ARPC1A: variants seen among roughly 807,000 people sequenced by gnomAD.
ARPC1A encodes the protein actin related protein 2/3 complex subunit 1A.
In ARPC1A, 8 loss-of-function variants were observed where a neutral mutation model predicts 46.9. The ratio of observed to expected loss-of-function variants is 0.17; its 90% CI spans 0.10 to 0.31. The LOEUF (loss-of-function observed/expected upper bound fraction) is 0.31, where lower values mean the gene tolerates loss of function less well. Among genes scored for constraint, ARPC1A ranks in the 10% least tolerant of loss-of-function variants. The pLI is 1.00. For missense variants in ARPC1A, 286 were observed against 483.6 expected, an observed-to-expected ratio of 0.59 and a Z score of 3.83; for synonymous variants, 152 against 169.0, an observed-to-expected ratio of 0.90 and a Z score of 0.78.
chr7:99,326,717 C>A (rs1042623789), intron 1 of ARPC1A, among the ~76,000 whole-genome samples: 13 of 152,220 alleles, frequency 8.5e-5, no homozygotes, highest in African/African-American at 3.1e-4. Context: ...GCATAAATTG[C>A]TTAGAATAGT....
chr7:99,349,364 G>A (rs1793512032), intron 5 of ARPC1A, among the ~76,000 whole-genome samples: 1 of 152,066 alleles, frequency 6.6e-6, no homozygotes, highest in African/African-American at 2.4e-5. Flanking sequence ...TGCCTGGCCT[G>A]TAAGTTTCCT....
chr7:99,365,629 A>G (rs1251993148), intron 9 of ARPC1A, among the ~76,000 whole-genome samples: 3 of 151,032 alleles, frequency 2.0e-5, no homozygotes, highest in Admixed American at 6.6e-5. Flanking sequence ...AAAAAAAAAA[A>G]AGAGGAGTGA....
Position 99,354,038 on chromosome 7 carries a change from A to C in ARPC1A, c.630A>C (p.Val210=), listed in dbSNP as rs770481583. Residue 210 remains valine (V), a synonymous_variant, in exon 6 of 10, where the codon GTA becomes GTC. Transcript: ENST00000262942. ...GCACTGGTGGCTGGGTCCACGGGGT[A>C]AGCTTCTCTGCCAGTGGGAGCCGCC... ...GSGTGGWVHG[V]SFSASGSRLA... 1 of 1,613,966 alleles carries C rather than the reference A, an allele frequency of 6.2e-7. No homozygotes were observed. Among genetic ancestry groups the C allele is most frequent in the South Asian group, 1.1e-5 (1 of 91,062 alleles).
chr7:99,366,023 A>G lies in ARPC1A; in HGVS notation c.*94A>G. On this transcript the variant is annotated 3_prime_UTR_variant, in exon 10 of 10. Coordinates refer to ENST00000262942, the MANE Select transcript of ARPC1A (RefSeq NM_006409.4). ...GCGAGGAAGCCAGCCCCAAGGAAAC[A>G]CTGAAAACACATATCACGCCAATGC... The G allele has an allele frequency of 7.1e-7, 1 of 1,411,472 alleles. No individual in the cohort carries two copies. The highest frequency in any genetic ancestry group is 9.7e-7 in the Non-Finnish European group (1 of 1,026,804). 87.4% of individuals were successfully genotyped at this position (1,411,472 alleles called of 1,614,324 possible).
At chr7:99,337,897 A>G (rs1300026654) in intron 2 of ARPC1A, among the ~76,000 whole-genome samples, 1 of 152,192 alleles carries the variant, frequency 6.6e-6, no homozygotes, top group East Asian at 1.9e-4. Flanking sequence ...TAAGTACACT[A>G]ACATTGTTTA....
Position 99,366,205 on chromosome 7 carries a change from G to A in ARPC1A, c.*276G>A. The A allele has an allele frequency of 2.5e-6, 1 of 396,000 alleles. No homozygotes were observed. Among genetic ancestry groups the A allele is most frequent in the Non-Finnish European group, 4.6e-6 (1 of 219,140 alleles). 24.5% of individuals were successfully genotyped at this position (396,000 alleles called of 1,614,324 possible). On this transcript the variant is annotated 3_prime_UTR_variant, in exon 10 of 10. Transcript: ENST00000262942. ...AATTGTCACACTAACTTAAAAGACA[G>A]GGTGAGGGAGATATGTAAATTGTCC... is the stretch of plus-strand genomic sequence containing the variant.
chr7:99,362,852 T>C (rs1584388947), intron 8 of ARPC1A, among the ~76,000 whole-genome samples: 2 of 152,110 alleles, frequency 1.3e-5, no homozygotes, highest in East Asian at 3.9e-4. Context: ...ATTTATCTGT[T>C]CCCCTGCTTA....
intron 8 of ARPC1A, among the ~76,000 whole-genome samples, chr7:99,362,027 G>A (rs1793749060): frequency 6.6e-6 from 1 of 152,078 alleles, no homozygotes. Context: ...AGGTGCAGAG[G>A]CTCACGCCTG....
intron 3 of ARPC1A, among the ~76,000 whole-genome samples, chr7:99,341,081 G>T (rs572860270): frequency 6.6e-6 from 1 of 152,234 alleles, no homozygotes; most frequent in East Asian, 1.9e-4. Context: ...GGCTGAGGCG[G>T]GTGGATCACC....
At chr7:99,359,084 G>T (rs543911120) in intron 7 of ARPC1A, among the ~76,000 whole-genome samples, 53 of 149,272 alleles carry the variant, frequency 3.6e-4, no homozygotes, top group Non-Finnish European at 7.3e-4. Flanking sequence ...GCCCACCTTG[G>T]CCTCCTAAAG....
intron 6 of ARPC1A, among the ~76,000 whole-genome samples, chr7:99,356,315 T>TC (rs1475428474): frequency 6.6e-6 from 1 of 152,098 alleles, no homozygotes; most frequent in African/African-American, 2.4e-5. Context: ...TTAAAGATTA[T>TC]CCCCTCAGGC....
At chr7:99,327,033 C>T (rs997644081) in intron 1 of ARPC1A, among the ~76,000 whole-genome samples, 4 of 152,134 alleles carry the variant, frequency 2.6e-5, no homozygotes, top group African/African-American at 9.7e-5. Flanking sequence ...CTTAAATTGC[C>T]GAGATTATCT....
rs776457405 is a variant in ARPC1A at position 99,358,370 on chromosome 7, G to A, written c.744G>A (p.Pro248=). The A allele has an allele frequency of 8.8e-5, 142 of 1,613,864 alleles. 1 individual carries two copies. The South Asian group carries it at 1.4e-3, about 15-fold the overall frequency. The part of the protein sequence containing the change: ...QVSTLKTEFL[P]LLSVSFVSEN... ...CGACTCTGAAGACAGAGTTCCTGCC[G>A]CTCCTAAGTGTGTCATTTGTCTCAG... The change falls in exon 7 of 10, where the codon CCG becomes CCA. Residue 248 remains proline, a synonymous_variant. Transcript: ENST00000262942.
chr7:99,349,069 T>G, intron 5 of ARPC1A, 110 bp downstream of exon 5: 1 of 1,128,668 alleles, frequency 8.9e-7, no homozygotes, highest in Non-Finnish European at 1.3e-6. Context: ...TGTTGTTGTT[T>G]TGAGACAGGG....
At chr7:99,363,516 G>T (rs766822097) in intron 8 of ARPC1A, 27 bp from the exon 9 acceptor site, 2 of 1,556,078 alleles carry the variant, frequency 1.3e-6, no homozygotes, top group East Asian at 2.2e-5. Flanking sequence ...CATACCTTAC[G>T]ATCTCTTTTG....
chr7:99,361,461 C>CAAAA (rs5886105), intron 8 of ARPC1A, among the ~76,000 whole-genome samples: 1 of 110,198 alleles, frequency 9.1e-6, no homozygotes, highest in Admixed American at 9.5e-5. Context: ...GATCCTATCT[C>CAAAA]AAAAAAAAAA....
intron 5 of ARPC1A, 51 bp from the exon 6 acceptor site, chr7:99,353,858 T>C (rs1180517419): frequency 1.3e-6 from 2 of 1,560,720 alleles, no homozygotes; most frequent in Non-Finnish European, 1.8e-6. Flanking sequence ...CCTGTTTCTA[T>C]ATACATATAT....
In ARPC1A at chr7:99,344,457, G is replaced by T. The variant is rs996740506; in HGVS notation, c.334G>T (p.Ala112Ser). 1 of 1,613,974 alleles carries T rather than the reference G, an allele frequency of 6.2e-7. No homozygotes were observed. The highest frequency in any genetic ancestry group is 8.5e-7 in the Non-Finnish European group (1 of 1,179,868). ...GTGGTCCCCCCTAGAGAACAAATTTGCTGTGGGAAGTGGAGCACGACTCAT... is the reference window on the plus strand; with the variant it reads ...GTGGTCCCCCCTAGAGAACAAATTTTCTGTGGGAAGTGGAGCACGACTCAT... Reference protein sequence around the residue: ...VKWSPLENKFAVGSGARLISV... With the variant: ...VKWSPLENKFSVGSGARLISV... The change falls in exon 4 of 10, where the codon GCT becomes TCT. Residue 112 changes from alanine to serine, a missense_variant. Physicochemically the swap from Ala to Ser is moderately conservative, Grantham distance 99 (BLOSUM62 1). Transcript: ENST00000262942.
At chr7:99,341,850 T>C (rs1562798289) in intron 3 of ARPC1A, among the ~76,000 whole-genome samples, 1 of 152,058 alleles carries the variant, frequency 6.6e-6, no homozygotes, top group Non-Finnish European at 1.5e-5. Flanking sequence ...TAAATATAAC[T>C]CTGGGGCAGG....
Sources: gnomAD v4.1 joint callset for allele counts (sites outside exome capture counted in the v4.1 genomes callset) on GRCh38, gnomAD v4.1.1 for gene constraint, MANE v1.5 for transcripts, NCBI Gene and HGNC (gene_info 2026-07-23, HGNC 2026-07-21) for gene names.